Variants in PSEN1 observed in about 807,000 individuals in gnomAD.
The protein encoded by PSEN1 is presenilin-1.
Under a neutral mutation model 53.5 loss-of-function variants are expected in PSEN1, and 15 were observed. That is an observed-to-expected ratio of 0.28 (90% CI 0.19 to 0.43). The LOEUF (loss-of-function observed/expected upper bound fraction) is 0.43. PSEN1 is among the 20% of genes least tolerant of loss of function. The pLI, the probability that PSEN1 is intolerant of heterozygous loss-of-function variation, is 1.00. For missense variants in PSEN1, 387 were observed against 571.2 expected, an observed-to-expected ratio of 0.68 and a Z score of 3.29; for synonymous variants, 208 against 209.8, an observed-to-expected ratio of 0.99 and a Z score of 0.08.
At chr14:73,209,904 C>G (rs1025944626) in intron 9 of PSEN1, among the ~76,000 whole-genome samples, 1 of 152,122 alleles carries the variant, frequency 6.6e-6, no homozygotes, top group African/African-American at 2.4e-5. Flanking sequence ...GTGGGACTTT[C>G]CCTCATATTG....
intron 10 of PSEN1, among the ~76,000 whole-genome samples, chr14:73,214,399 AC>A (rs1271494594): frequency 1.3e-5 from 2 of 152,006 alleles, no homozygotes; most frequent in Non-Finnish European, 2.9e-5. Flanking sequence ...TTGTGGTGGC[AC>A]ATGCCTGTAG....
intron 10 of PSEN1, among the ~76,000 whole-genome samples, chr14:73,216,022 G>C (rs1192231744): frequency 6.6e-6 from 1 of 152,086 alleles, no homozygotes; most frequent in African/African-American, 2.4e-5. Context: ...GCATTATTCA[G>C]AATAGCCCCA....
intron 5 of PSEN1, among the ~76,000 whole-genome samples, chr14:73,184,630 T>C (rs1595020613): frequency 8.2e-6 from 1 of 122,130 alleles, no homozygotes; most frequent in Non-Finnish European, 1.7e-5. Flanking sequence ...ACGGGGCGGC[T>C]GGCCGGGCGG....
chr14:73,168,981 A>AAGAGG (rs1594994896), intron 3 of PSEN1: 1 of 152,286 alleles, frequency 6.6e-6, no homozygotes, highest in East Asian at 1.9e-4. Context: ...ACTCGCTTGC[A>AAGAGG]CACTGCCTCT....
chr14:73,197,856 T>A (rs1595042703), intron 7 of PSEN1, 175 bp from the exon 8 acceptor site: 1 of 602,926 alleles, frequency 1.7e-6, no homozygotes, highest in Non-Finnish European at 2.9e-6. Flanking sequence ...TTATGTTGTC[T>A]CCCCCACCCC....
At chr14:73,145,493 A>T (rs1365717638) in intron 1 of PSEN1, among the ~76,000 whole-genome samples, 1 of 150,010 alleles carries the variant, frequency 6.7e-6, no homozygotes, top group Non-Finnish European at 1.5e-5. Context: ...CACCACCCAC[A>T]CCCAGCCAAT....
intron 5 of PSEN1, among the ~76,000 whole-genome samples, chr14:73,183,760 T>C (rs1465252261): frequency 6.6e-6 from 1 of 151,700 alleles, no homozygotes; most frequent in Non-Finnish European, 1.5e-5. Context: ...CCCGCCTTTC[T>C]ATTCCACAAA....
At chr14:73,183,918 G>A (rs1428423598) in intron 5 of PSEN1, among the ~76,000 whole-genome samples, 1 of 148,856 alleles carries the variant, frequency 6.7e-6, no homozygotes, top group African/African-American at 2.5e-5. Flanking sequence ...CGGCTGGCCG[G>A]GCGGGGGGCT....
intron 10 of PSEN1, among the ~76,000 whole-genome samples, chr14:73,212,791 A>G (rs966164868): frequency 4.6e-5 from 7 of 152,238 alleles, no homozygotes; most frequent in African/African-American, 1.7e-4. Flanking sequence ...GGGCTCAGTC[A>G]TCTCTTCAGT....
At chr14:73,175,230 G>A (rs1466373415) in intron 5 of PSEN1, among the ~76,000 whole-genome samples, 1 of 152,122 alleles carries the variant, frequency 6.6e-6, no homozygotes, top group South Asian at 2.1e-4. Context: ...GGGTTCAAGC[G>A]ATTCTTCTGC....
chr14:73,162,608 G>A (rs1199306010), intron 3 of PSEN1, among the ~76,000 whole-genome samples: 1 of 151,798 alleles, frequency 6.6e-6, no homozygotes, highest in African/African-American at 2.4e-5. Flanking sequence ...GTGGTAAGCT[G>A]TTGACTATGC....
chr14:73,213,276 A>T (rs1899775496), intron 10 of PSEN1, among the ~76,000 whole-genome samples: 1 of 152,222 alleles, frequency 6.6e-6, no homozygotes, highest in African/African-American at 2.4e-5. Context: ...CACAGGCACC[A>T]GGAGCCAGAG....
Position 73,192,879 on chromosome 14 carries a change from T to A in PSEN1, c.769+15T>A. On this transcript the variant is annotated intron_variant, in intron 7 of 11. Coordinates refer to ENST00000324501, the MANE Select transcript of PSEN1 (RefSeq NM_000021.4). ...TTCAGTATATGGTAAAACCCAAGAC[T>A]GATAATTTGTTTGTCACAGGAATGC... The A allele has an allele frequency of 6.3e-7, 1 of 1,580,764 alleles. No individual in the cohort carries two copies. The highest frequency in any genetic ancestry group is 1.7e-5 in the Admixed American group (1 of 59,966).
rs1305796025 is a variant in PSEN1 at position 73,220,367 on chromosome 14, G to C, written c.*1078G>C. On this transcript the variant is annotated 3_prime_UTR_variant, in exon 12 of 12. Coordinates refer to ENST00000324501, the MANE Select transcript of PSEN1 (RefSeq NM_000021.4). ...CAAATGAGATGTATGCCCAAAGACG[G>C]TAGAATTAAAGAAGAGTAAAATGGC... 6.6e-6 allele frequency: 1 copy of C among 152,664 alleles called. No homozygotes were observed. The highest frequency in any genetic ancestry group is 6.5e-5 in the Admixed American group (1 of 15,276). 9.5% of individuals were successfully genotyped at this position (152,664 alleles called of 1,614,324 possible).
intron 3 of PSEN1, among the ~76,000 whole-genome samples, chr14:73,150,527 G>A (rs1311448442): frequency 6.6e-6 from 1 of 152,034 alleles, no homozygotes; most frequent in Admixed American, 6.5e-5. Flanking sequence ...AATTTGGGAG[G>A]CCGAGGCTGG....
intron 5 of PSEN1, among the ~76,000 whole-genome samples, chr14:73,177,274 T>C (rs1898072772): frequency 6.6e-6 from 1 of 151,994 alleles, no homozygotes; most frequent in African/African-American, 2.4e-5. Context: ...TGGTTTGTTT[T>C]CTCCTTTGCA....
At chr14:73,139,059 G>C (rs938336890) in intron 1 of PSEN1, among the ~76,000 whole-genome samples, 3 of 149,790 alleles carry the variant, frequency 2.0e-5, no homozygotes, top group Non-Finnish European at 4.4e-5. Flanking sequence ...CGAGGCGGGT[G>C]GATAACCAGA....
rs572712899 is a variant in PSEN1 at position 73,163,349 on chromosome 14, A to C, written c.88-7448A>C. Among the ~76,000 whole-genome samples the C allele has an allele frequency of 6.6e-5, 10 of 152,316 alleles. No individual in the cohort carries two copies. In the East Asian group the frequency reaches 1.7e-3, roughly 26 times the overall value. The stretch of plus-strand genomic sequence containing the variant: ...TCCCAGCACTTCGGGAGGCCAAGGC[A>C]GGAGGATTGCTTGAGCCCAGAAGTT... On this transcript the variant is annotated intron_variant, in intron 3 of 11. Transcript: ENST00000324501.
chr14:73,191,091 C>T (rs1030235396), intron 6 of PSEN1, among the ~76,000 whole-genome samples: 1 of 152,090 alleles, frequency 6.6e-6, no homozygotes, highest in African/African-American at 2.4e-5. Context: ...TGGATTTTGC[C>T]TCCCCAGAAT....
Sources: allele counts gnomAD v4.1 joint callset (sites outside exome capture counted in the v4.1 genomes callset), GRCh38; gene constraint gnomAD v4.1.1; transcripts MANE v1.5; gene names NCBI Gene and HGNC (gene_info 2026-07-23, HGNC 2026-07-21).